Variants in KCNT2 observed in about 807,000 individuals in gnomAD.
The protein encoded by KCNT2 is potassium sodium-activated channel subfamily T member 2, also known as potassium channel subfamily T member 2.
In KCNT2, 67 loss-of-function variants were observed where a neutral mutation model predicts 153.8. The observed-to-expected ratio is 0.44, with a 90% confidence interval of 0.36 to 0.53. The LOEUF (loss-of-function observed/expected upper bound fraction) is 0.53. Among genes scored for constraint, KCNT2 ranks in the 20% least tolerant of loss-of-function variants. The pLI is 0.00. For synonymous variants in KCNT2, 500 were observed against 458.8 expected (o/e 1.09, Z -1.15); for missense variants, 975 against 1,354.8 (o/e 0.72, Z 4.40).
chr1:196,362,206 G>A (rs995663256), intron 14 of KCNT2, among the ~76,000 whole-genome samples: 3 of 151,950 alleles, frequency 2.0e-5, no homozygotes, highest in Non-Finnish European at 2.9e-5. Context: ...CCTCATGACC[G>A]CTGATTCCCT....
chr1:196,254,958 T>A (rs1032010800), intron 26 of KCNT2, among the ~76,000 whole-genome samples: 1 of 151,674 alleles, frequency 6.6e-6, no homozygotes, highest in Non-Finnish European at 1.5e-5. Flanking sequence ...TGGCTTTTCA[T>A]CTTTTACTAA....
At chr1:196,533,716 T>G (rs1003172539) in intron 1 of KCNT2, among the ~76,000 whole-genome samples, 2 of 152,142 alleles carry the variant, frequency 1.3e-5, no homozygotes, top group Admixed American at 1.3e-4. Flanking sequence ...TGTCTTCTAT[T>G]GTGGTTGGCA....
chr1:196,503,248 AAC>A (rs1449189157), intron 1 of KCNT2, among the ~76,000 whole-genome samples: 1 of 152,138 alleles, frequency 6.6e-6, no homozygotes, highest in Non-Finnish European at 1.5e-5. Flanking sequence ...ATTATTTATA[AAC>A]ACACAAAAGG....
At chr1:196,267,710 A>C (rs557327890) in intron 25 of KCNT2, among the ~76,000 whole-genome samples, 2 of 152,232 alleles carry the variant, frequency 1.3e-5, no homozygotes, top group African/African-American at 4.8e-5. Flanking sequence ...ACTGAGCTCT[A>C]CTGAAATCAG....
chr1:196,418,939 A>T (rs549270517), intron 12 of KCNT2, among the ~76,000 whole-genome samples: 1 of 152,062 alleles, frequency 6.6e-6, no homozygotes, highest in Non-Finnish European at 1.5e-5. Flanking sequence ...GGCCTTCCTG[A>T]AGTTCTCCAC....
At chr1:196,568,034 G>A (rs1488979373) in intron 1 of KCNT2, among the ~76,000 whole-genome samples, 1 of 152,084 alleles carries the variant, frequency 6.6e-6, no homozygotes, top group African/African-American at 2.4e-5. Context: ...GATCTCAACT[G>A]GGTTAAGTAT....
intron 12 of KCNT2, among the ~76,000 whole-genome samples, chr1:196,407,806 A>G (rs1671953610): frequency 6.6e-6 from 1 of 151,354 alleles, no homozygotes; most frequent in Admixed American, 6.6e-5. Flanking sequence ...TGTCTTTGAC[A>G]TTTAAGAGGA....
Position 196,390,085 on chromosome 1 carries a change from C to G in KCNT2, c.1294+8478G>C, listed in dbSNP as rs1670339975. 4.6e-5 allele frequency among the ~76,000 whole-genome samples: 7 copies of G among 151,394 alleles called. No individual in the cohort carries two copies. The South Asian group carries it at 1.2e-3, about 27-fold the overall frequency. On this transcript the variant is annotated intron_variant, in intron 13 of 27. Coordinates refer to ENST00000294725, the MANE Select transcript of KCNT2 (RefSeq NM_198503.5). ...ATTTCTGGTGCTCTTTTTTCTGTGT[C>G]ACTCTCTCCTCTAGAATTTTTTTTT...
intron 1 of KCNT2, among the ~76,000 whole-genome samples, chr1:196,600,123 A>T (rs1558124357): frequency 1.3e-5 from 2 of 152,200 alleles, no homozygotes; most frequent in Non-Finnish European, 2.9e-5. Flanking sequence ...TCAGGGTCAG[A>T]AATTTCTAAT....
At chr1:196,463,657 A>G (rs1364998023) in intron 8 of KCNT2, among the ~76,000 whole-genome samples, 1 of 151,808 alleles carries the variant, frequency 6.6e-6, no homozygotes, top group African/African-American at 2.4e-5. Context: ...AAATAAAACA[A>G]TGAAATAGAA....
rs80065330 is a variant in KCNT2 at position 196,368,911 on chromosome 1, C to A, written c.1403+4229G>T. On this transcript the variant is annotated intron_variant, in intron 14 of 27. Transcript: ENST00000294725. Reference sequence around the variant, plus strand: ...CAATATCAAACCACTTTTCCTTCTGCCAACTATGTACTTCATTATTTTCTA... The same window carrying A: ...CAATATCAAACCACTTTTCCTTCTGACAACTATGTACTTCATTATTTTCTA... 3.9e-5 allele frequency among the ~76,000 whole-genome samples: 6 copies of A among 152,232 alleles called. No individual in the cohort carries two copies. The South Asian group carries it at 6.2e-4, about 16-fold the overall frequency.
At chr1:196,464,216 G>A (rs1488967912) in intron 8 of KCNT2, among the ~76,000 whole-genome samples, 3 of 151,770 alleles carry the variant, frequency 2.0e-5, no homozygotes, top group East Asian at 1.9e-4. Context: ...TATTAATGCA[G>A]TTAGATAATT....
intron 22 of KCNT2, among the ~76,000 whole-genome samples, chr1:196,304,086 A>C (rs959715087): frequency 6.6e-6 from 1 of 152,118 alleles, no homozygotes; most frequent in African/African-American, 2.4e-5. Context: ...CAGTTTCCAC[A>C]TCTGGAAGCA....
At chr1:196,594,905 T>G (rs1230403452) in intron 1 of KCNT2, among the ~76,000 whole-genome samples, 1 of 152,150 alleles carries the variant, frequency 6.6e-6, no homozygotes, top group African/African-American at 2.4e-5. Context: ...CTTTGAATGT[T>G]GAGTCAGCAG....
chr1:196,448,462 T>G (rs147809762), intron 8 of KCNT2, among the ~76,000 whole-genome samples: 8,721 of 151,668 alleles, frequency 0.058, 388 homozygotes, highest in Non-Finnish European at 0.085. Context: ...GAGAAACGTG[T>G]GTTTTGTTTT....
chr1:196,269,405 G>A (rs145852972), intron 25 of KCNT2, among the ~76,000 whole-genome samples: 1 of 152,048 alleles, frequency 6.6e-6, no homozygotes, highest in African/African-American at 2.4e-5. Context: ...CACACTACAA[G>A]GTAGGCCAGA....
At chr1:196,404,025 T>G in intron 12 of KCNT2, 14 of 257,060 alleles carry the variant, frequency 5.4e-5, no homozygotes, top group South Asian at 2.9e-4. Flanking sequence ...GGTTACCCTT[T>G]GACATTCTTA....
chr1:196,401,016 C>T (rs1671366101), intron 12 of KCNT2, among the ~76,000 whole-genome samples: 2 of 151,750 alleles, frequency 1.3e-5, no homozygotes, highest in Admixed American at 6.6e-5. Flanking sequence ...CAACCAGAGC[C>T]ACCAGACACA....
At chr1:196,272,880 G>T (rs561082701) in intron 25 of KCNT2, among the ~76,000 whole-genome samples, 1 of 151,908 alleles carries the variant, frequency 6.6e-6, no homozygotes, top group South Asian at 2.1e-4. Flanking sequence ...GTTATAAAGT[G>T]AATAAGTTCT....
Sources: gnomAD v4.1 joint callset for allele counts (sites outside exome capture counted in the v4.1 genomes callset) on GRCh38, gnomAD v4.1.1 for gene constraint, MANE v1.5 for transcripts, NCBI Gene and HGNC (gene_info 2026-07-23, HGNC 2026-07-21) for gene names.